ADGRL3: variants seen among roughly 807,000 people sequenced by gnomAD.
ADGRL3 encodes the protein adhesion G protein-coupled receptor L3, also known as calcium-independent alpha-latrotoxin receptor 3.
In ADGRL3, 62 loss-of-function variants were observed where a neutral mutation model predicts 153.5. The ratio of observed to expected loss-of-function variants is 0.40; its 90% CI spans 0.33 to 0.50. The LOEUF is 0.50. Ranked by LOEUF, ADGRL3 falls within the 20% of genes least tolerant of loss-of-function variation. The probability of loss-of-function intolerance (pLI) is 0.47; values close to 1 mark genes in which losing one functional copy is unlikely to be tolerated. For synonymous variants in ADGRL3, 710 were observed against 672.5 expected (o/e 1.06, Z -0.86); for missense variants, 1,641 against 1,859.4 (o/e 0.88, Z 2.16).
At chr4:61,800,596 G>A (rs575457282) in intron 8 of ADGRL3, among the ~76,000 whole-genome samples, 95 of 152,150 alleles carry the variant, frequency 6.2e-4, no homozygotes, top group Non-Finnish European at 7.6e-4. Context: ...GATGTCTGGC[G>A]AGTTGTTTTG....
intron 2 of ADGRL3, among the ~76,000 whole-genome samples, chr4:61,414,801 C>A (rs1167126696): frequency 2.6e-5 from 4 of 151,580 alleles, no homozygotes; most frequent in African/African-American, 7.3e-5. Flanking sequence ...AGTGGTTTTT[C>A]ATTTAGTGTC....
At chr4:61,391,658 T>C (rs978061446) in intron 2 of ADGRL3, among the ~76,000 whole-genome samples, 3 of 152,132 alleles carry the variant, frequency 2.0e-5, no homozygotes, top group African/African-American at 7.2e-5. Context: ...GTTTCATTTC[T>C]ATTACCTGTT....
intron 1 of ADGRL3, among the ~76,000 whole-genome samples, chr4:61,363,820 A>G (rs954467767): frequency 6.6e-6 from 1 of 152,066 alleles, no homozygotes; most frequent in Non-Finnish European, 1.5e-5. Context: ...TTTACAGATG[A>G]GTAAATTGAG....
At chr4:62,068,084 T>A in intron 25 of ADGRL3, 82 bp from the exon 26 acceptor site, 1 of 882,706 alleles carries the variant, frequency 1.1e-6, no homozygotes, top group South Asian at 1.8e-5. Flanking sequence ...ATCATCAATT[T>A]GCTTTTTACT....
intron 1 of ADGRL3, among the ~76,000 whole-genome samples, chr4:61,220,488 G>C (rs558221834): frequency 1.3e-5 from 2 of 152,258 alleles, no homozygotes; most frequent in African/African-American, 2.4e-5. Flanking sequence ...TTCATAGAAA[G>C]ATGGTGAGAA....
chr4:61,564,598 G>T (rs1163149345), intron 4 of ADGRL3, among the ~76,000 whole-genome samples: 1 of 152,160 alleles, frequency 6.6e-6, no homozygotes, highest in Non-Finnish European at 1.5e-5. Context: ...CCATTCATAT[G>T]TGACTGGAAT....
intron 3 of ADGRL3, among the ~76,000 whole-genome samples, chr4:61,499,232 T>C (rs1158866194): frequency 1.3e-5 from 2 of 152,358 alleles, no homozygotes; most frequent in Non-Finnish European, 1.5e-5. Context: ...ATGCAACATA[T>C]TTAGTTCTAA....
chr4:62,026,287 G>A (rs1718512202), intron 21 of ADGRL3, among the ~76,000 whole-genome samples: 1 of 152,092 alleles, frequency 6.6e-6, no homozygotes, highest in African/African-American at 2.4e-5. Flanking sequence ...CTAAGGCTCT[G>A]CATCACTTTC....
intron 9 of ADGRL3, among the ~76,000 whole-genome samples, chr4:61,891,519 C>T (rs1488782464): frequency 6.6e-6 from 1 of 152,144 alleles, no homozygotes; most frequent in Non-Finnish European, 1.5e-5. Context: ...ATCCCTTCAC[C>T]ATGTCTCTCC....
chr4:61,615,549 A>G (rs1203908211), intron 5 of ADGRL3, among the ~76,000 whole-genome samples: 2 of 150,706 alleles, frequency 1.3e-5, no homozygotes, highest in Non-Finnish European at 3.0e-5. Context: ...GAAGTGTGAG[A>G]AAGAATTTTA....
chr4:61,510,061 T>C (rs1274740855), intron 3 of ADGRL3, among the ~76,000 whole-genome samples: 1 of 152,232 alleles, frequency 6.6e-6, no homozygotes, highest in African/African-American at 2.4e-5. Flanking sequence ...CGCTTGTATG[T>C]CTTCTTTTGC....
intron 2 of ADGRL3, among the ~76,000 whole-genome samples, chr4:61,461,449 A>G (rs181083805): frequency 2.2e-4 from 33 of 152,338 alleles, no homozygotes; most frequent in African/African-American, 7.9e-4. Flanking sequence ...TTTGATTATT[A>G]CACATTGTAT....
chr4:61,539,490 C>T (rs956375298), intron 4 of ADGRL3, among the ~76,000 whole-genome samples: 6 of 152,212 alleles, frequency 3.9e-5, no homozygotes, highest in African/African-American at 1.4e-4. Flanking sequence ...ATCTGCTAGT[C>T]CTCTACAGTT....
intron 5 of ADGRL3, among the ~76,000 whole-genome samples, chr4:61,668,522 C>T (rs1333101574): frequency 1.3e-5 from 2 of 152,130 alleles, no homozygotes; most frequent in Non-Finnish European, 2.9e-5. Flanking sequence ...GTTATATTGT[C>T]ACTTGCTGGA....
At chr4:61,910,435 TAAATG>T (rs892396140) in intron 12 of ADGRL3, among the ~76,000 whole-genome samples, 31 of 144,060 alleles carry the variant, frequency 2.2e-4, no homozygotes, top group Admixed American at 8.1e-4. Context: ...TATATTTACA[TAAATG>T]AAATAGGCAT....
intron 5 of ADGRL3, among the ~76,000 whole-genome samples, chr4:61,669,828 TG>T (rs1272689155): frequency 6.6e-6 from 1 of 152,210 alleles, no homozygotes; most frequent in East Asian, 1.9e-4. Flanking sequence ...TGCTTTTCAG[TG>T]GAGTTTTATA....
chr4:61,262,137 T>C (rs1381662696), intron 1 of ADGRL3, among the ~76,000 whole-genome samples: 1 of 152,206 alleles, frequency 6.6e-6, no homozygotes, highest in African/African-American at 2.4e-5. Context: ...GCTCACGTTA[T>C]AATAATGATT....
chr4:61,966,268 T>G (rs189272233), intron 17 of ADGRL3, among the ~76,000 whole-genome samples: 9 of 152,288 alleles, frequency 5.9e-5, no homozygotes, highest in Non-Finnish European at 1.3e-4. Flanking sequence ...TACCAAAATT[T>G]TATTGAATAT....
intron 6 of ADGRL3, among the ~76,000 whole-genome samples, chr4:61,690,854 C>T (rs1400814472): frequency 6.6e-6 from 1 of 152,108 alleles, no homozygotes; most frequent in Non-Finnish European, 1.5e-5. Flanking sequence ...CTCATTCAGA[C>T]ACATCAAGCT....
Sources: allele counts gnomAD v4.1 joint callset (sites outside exome capture counted in the v4.1 genomes callset), GRCh38; gene constraint gnomAD v4.1.1; transcripts MANE v1.5; gene names NCBI Gene and HGNC (gene_info 2026-07-23, HGNC 2026-07-21).